The following IL19 variants were observed in gnomAD, a reference collection of about 807,000 sequenced individuals.
IL19 encodes the protein interleukin-19.
A neutral mutation model predicts 19.5 loss-of-function variants in IL19; 15 were observed. That is an observed-to-expected ratio of 0.77 (90% confidence interval 0.52 to 1.19). IL19 has a LOEUF of 1.19. IL19 is among the 50% of genes most tolerant of loss of function. The pLI, the probability that IL19 is intolerant of heterozygous loss-of-function variation, is 0.00. For synonymous variants in IL19, 78 were observed against 78.3 expected, an observed-to-expected ratio of 1.00 and a Z score of 0.02; for missense variants, 199 against 213.1, an observed-to-expected ratio of 0.93 and a Z score of 0.41.
At chr1:206,836,858 C>A in intron 3 of IL19, 52 bp downstream of exon 3, 3 of 1,609,248 alleles carry the variant, frequency 1.9e-6, no homozygotes, top group Non-Finnish European at 2.6e-6. Flanking sequence ...CCTCCCCTTA[C>A]ATCTTAGCTT....
chr1:206,795,698 T>C (rs1253630674), intron 1 of IL19, among the ~76,000 whole-genome samples: 1 of 152,196 alleles, frequency 6.6e-6, no homozygotes, highest in Non-Finnish European at 1.5e-5. Context: ...ATACTACACA[T>C]GGATAACTGT....
chr1:206,788,617 C>T (rs376904353), intron 1 of IL19, among the ~76,000 whole-genome samples: 50 of 152,002 alleles, frequency 3.3e-4, no homozygotes, highest in South Asian at 2.1e-3. Flanking sequence ...GATTTTAGTG[C>T]GCCTCATCCA....
chr1:206,800,157 C>T (rs1675643986), intron 2 of IL19, among the ~76,000 whole-genome samples: 1 of 152,218 alleles, frequency 6.6e-6, no homozygotes, highest in Non-Finnish European at 1.5e-5. Context: ...TTATTGAGTG[C>T]CTTCTACACA....
intron 2 of IL19, among the ~76,000 whole-genome samples, chr1:206,826,918 C>A (rs1376688362): frequency 6.6e-6 from 1 of 152,170 alleles, no homozygotes; most frequent in African/African-American, 2.4e-5. Context: ...ACTGAGAGTT[C>A]AGGGATGTGG....
At chr1:206,842,084 G>A (rs1052825236) in intron 6 of IL19, among the ~76,000 whole-genome samples, 8 of 152,192 alleles carry the variant, frequency 5.3e-5, no homozygotes, top group Non-Finnish European at 1.2e-4. Flanking sequence ...CTTGCTCTAG[G>A]GGCTTTAGTG....
intron 1 of IL19, among the ~76,000 whole-genome samples, chr1:206,791,326 G>A (rs1199296276): frequency 6.8e-6 from 1 of 147,822 alleles, no homozygotes; most frequent in Non-Finnish European, 1.5e-5. Flanking sequence ...TTTTTAGATG[G>A]AGTTTCGGTC....
intron 2 of IL19, among the ~76,000 whole-genome samples, chr1:206,825,258 T>C (rs539557344): frequency 4.3e-4 from 65 of 152,338 alleles, no homozygotes; most frequent in African/African-American, 1.5e-3. Flanking sequence ...TATTTAAACA[T>C]TGATCATACT....
intron 1 of IL19, among the ~76,000 whole-genome samples, chr1:206,776,058 T>C (rs1674982918): frequency 6.6e-6 from 1 of 152,132 alleles, no homozygotes; most frequent in African/African-American, 2.4e-5. Context: ...AATCAGAAGG[T>C]TGTGGGAAGG....
intron 2 of IL19, among the ~76,000 whole-genome samples, chr1:206,820,984 C>G (rs956947400): frequency 4.6e-5 from 7 of 152,244 alleles, no homozygotes; most frequent in East Asian, 1.9e-4. Context: ...CCCCTGCCCC[C>G]ACACAACTTG....
intron 2 of IL19, among the ~76,000 whole-genome samples, chr1:206,800,371 G>C (rs903862044): frequency 4.6e-5 from 7 of 152,104 alleles, no homozygotes; most frequent in South Asian, 4.1e-4. Context: ...TGGTGGGGTA[G>C]GGGGGAAGGT....
chr1:206,803,501 A>T (rs151230403), intron 2 of IL19, among the ~76,000 whole-genome samples: 1 of 152,240 alleles, frequency 6.6e-6, no homozygotes, highest in South Asian at 2.1e-4. Flanking sequence ...TCCTGTCAGC[A>T]TCTTGGCCAG....
intron 6 of IL19, among the ~76,000 whole-genome samples, chr1:206,841,731 G>A (rs1358163572): frequency 1.3e-5 from 2 of 152,210 alleles, no homozygotes; most frequent in African/African-American, 4.8e-5. Context: ...GTAAGATAAT[G>A]TTATAGAAAT....
intron 2 of IL19, among the ~76,000 whole-genome samples, chr1:206,825,618 C>A (rs1488246142): frequency 1.3e-5 from 2 of 152,148 alleles, no homozygotes; most frequent in Non-Finnish European, 2.9e-5. Flanking sequence ...TTGGGCCTGA[C>A]CTTTCTGATT....
In IL19 at chr1:206,842,580, A is replaced by T. The variant is rs1437886916; in HGVS notation, c.492A>T (p.Leu164=). Residue 164 remains leucine, a synonymous_variant, in exon 7 of 7, where the codon CTA becomes CTT. Transcript: ENST00000659997. ...CCCTGGGAGAGCTCGACGTCTTTCT[A>T]GCCTGGATTAATAAGAATCATGAAG... ...IKSLGELDVF[L]AWINKNHEVM... 6.3e-7 allele frequency: 1 copy of T among 1,576,640 alleles called. No homozygotes were observed. The highest frequency in any genetic ancestry group is 8.6e-7 in the Non-Finnish European group (1 of 1,158,970).
intron 2 of IL19, among the ~76,000 whole-genome samples, chr1:206,819,115 T>G (rs1463600823): frequency 6.6e-6 from 1 of 151,698 alleles, no homozygotes; most frequent in Non-Finnish European, 1.5e-5. Context: ...CCAGCTTATT[T>G]TTTCTTTTAA....
chr1:206,823,432 G>A (rs1676344693), intron 2 of IL19, among the ~76,000 whole-genome samples: 2 of 151,922 alleles, frequency 1.3e-5, no homozygotes, highest in African/African-American at 4.8e-5. Context: ...GCGTGCGCCT[G>A]CAGTCCCAGC....
chr1:206,808,658 G>A (rs1675921812), intron 2 of IL19, among the ~76,000 whole-genome samples: 3 of 152,286 alleles, frequency 2.0e-5, no homozygotes, highest in Middle Eastern at 3.4e-3. Context: ...AAAACTCGCG[G>A]TAGGTTAAAC....
chr1:206,818,219 T>C (rs141649616), intron 2 of IL19, among the ~76,000 whole-genome samples: 42 of 152,320 alleles, frequency 2.8e-4, no homozygotes, highest in African/African-American at 9.1e-4. Context: ...AGAATGTTCA[T>C]CCTTTTTGAG....
At chr1:206,783,175 C>T (rs1179196380) in intron 1 of IL19, among the ~76,000 whole-genome samples, 1 of 152,044 alleles carries the variant, frequency 6.6e-6, no homozygotes. Context: ...TCCCTGGTTG[C>T]CCACCTGATT....
Sources: allele counts gnomAD v4.1 joint callset (sites outside exome capture counted in the v4.1 genomes callset), GRCh38; gene constraint gnomAD v4.1.1; transcripts MANE v1.5; gene names NCBI Gene and HGNC (gene_info 2026-07-23, HGNC 2026-07-21).